Variants in CNTNAP2 observed in about 807,000 individuals in gnomAD.
The protein encoded by CNTNAP2 is contactin associated protein 2, also known as contactin-associated protein-like 2.
Under a neutral mutation model 155.2 loss-of-function variants are expected in CNTNAP2, and 98 were observed. The ratio of observed to expected loss-of-function variants is 0.63; its 90% CI spans 0.54 to 0.75. CNTNAP2 has a LOEUF of 0.75. Ranked by LOEUF, CNTNAP2 falls within the 30% of genes least tolerant of loss-of-function variation. The probability of loss-of-function intolerance (pLI) is 0.00; values close to 1 mark genes in which losing one functional copy is unlikely to be tolerated. For synonymous variants in CNTNAP2, 651 were observed against 631.2 expected, an observed-to-expected ratio of 1.03 and a Z score of -0.47; for missense variants, 1,727 against 1,688.1, an observed-to-expected ratio of 1.02 and a Z score of -0.40.
intron 12 of CNTNAP2, among the ~76,000 whole-genome samples, chr7:147,615,730 C>T (rs895128120): frequency 4.6e-5 from 7 of 151,918 alleles, no homozygotes; most frequent in Admixed American, 6.6e-5. Flanking sequence ...ACTCTCCCTT[C>T]GAGACTGATA....
At chr7:147,618,708 TACACACAC>T (rs112885206) in intron 12 of CNTNAP2, among the ~76,000 whole-genome samples, 2 of 132,044 alleles carry the variant, frequency 1.5e-5, no homozygotes, top group Non-Finnish European at 3.0e-5. Flanking sequence ...ACAGCTATTA[TACACACAC>T]ACACACACAC....
rs184218150 is a variant in CNTNAP2, at chr7:146,537,377, T to G, written c.98-236894T>G. The stretch of plus-strand genomic sequence containing the variant: ...CCTACATTTTAATCTCCTAAACATA[T>G]AATTTCTTTCTTTATTCTGGCAACA... On this transcript the variant is annotated intron_variant, in intron 1 of 23. Transcript: ENST00000361727. Among the ~76,000 whole-genome samples, 102 of 152,290 alleles carry G rather than the reference T, an allele frequency of 6.7e-4. 2 individuals are homozygous for G. Among genetic ancestry groups the G allele is most frequent in the Non-Finnish European group, 8.1e-4 (55 of 68,036 alleles).
intron 8 of CNTNAP2, among the ~76,000 whole-genome samples, chr7:147,276,840 A>AC (rs143297393): frequency 2.6e-5 from 4 of 151,888 alleles, no homozygotes; most frequent in Admixed American, 6.6e-5. Flanking sequence ...CAAAAAAAAA[A>AC]CTGCAAATGA....
chr7:146,693,547 T>TA (rs1800732880), intron 1 of CNTNAP2, among the ~76,000 whole-genome samples: 1 of 152,148 alleles, frequency 6.6e-6, no homozygotes, highest in South Asian at 2.1e-4. Flanking sequence ...AAAAATATTA[T>TA]AAGATATAAG....
At chr7:147,485,169 C>T (rs977570689) in intron 10 of CNTNAP2, among the ~76,000 whole-genome samples, 14 of 152,084 alleles carry the variant, frequency 9.2e-5, no homozygotes, top group Non-Finnish European at 1.8e-4. Context: ...GTTTATTGGC[C>T]CACTATTTCC....
chr7:147,329,833 T>G (rs71530311), intron 9 of CNTNAP2, among the ~76,000 whole-genome samples: 29,317 of 152,096 alleles, frequency 0.19, 3,128 homozygotes, highest in Non-Finnish European at 0.24. Context: ...ACGGTGCACT[T>G]ATGACATAGA....
chr7:146,952,008 A>T (rs1350749678), intron 3 of CNTNAP2, among the ~76,000 whole-genome samples: 1 of 152,122 alleles, frequency 6.6e-6, no homozygotes, highest in Admixed American at 6.6e-5. Context: ...ATCCCTGATG[A>T]ACATCGACAC....
chr7:146,718,409 T>A (rs1801228501), intron 1 of CNTNAP2, among the ~76,000 whole-genome samples: 1 of 152,110 alleles, frequency 6.6e-6, no homozygotes, highest in Non-Finnish European at 1.5e-5. Flanking sequence ...AAGAATTGTG[T>A]CTCTTGGTGG....
At chr7:147,117,922 AT>A (rs1186478172) in intron 5 of CNTNAP2, among the ~76,000 whole-genome samples, 6 of 152,114 alleles carry the variant, frequency 3.9e-5, no homozygotes, top group African/African-American at 1.4e-4. Context: ...ATAAAATATT[AT>A]TTTTTACATT....
At chr7:146,217,209 T>C (rs964826492) in intron 1 of CNTNAP2, among the ~76,000 whole-genome samples, 11 of 152,214 alleles carry the variant, frequency 7.2e-5, no homozygotes, top group Admixed American at 3.3e-4. Context: ...ATGTTAGTTA[T>C]AGAATAAGAA....
Position 147,746,661 on chromosome 7 carries a change from A to T in CNTNAP2, c.2098+107355A>T, listed in dbSNP as rs144922430. On this transcript the variant is annotated intron_variant, in intron 13 of 23. Coordinates refer to ENST00000361727, the MANE Select transcript of CNTNAP2 (RefSeq NM_014141.6). ...AGGAAAGAATAAGGCAGGAGTTCTC[A>T]TTGACACCAATGGGACCAATTGTTT... is the stretch of plus-strand genomic sequence containing the variant. Among the ~76,000 whole-genome samples, 1,224 of 152,166 alleles carry T rather than the reference A, an allele frequency of 8.0e-3. 13 individuals are homozygous for T. Among genetic ancestry groups the T allele is most frequent in the African/African-American group, 0.028 (1,176 of 41,530 alleles).
chr7:147,973,372 A>G (rs1801370812), intron 14 of CNTNAP2, among the ~76,000 whole-genome samples: 1 of 152,004 alleles, frequency 6.6e-6, no homozygotes, highest in Admixed American at 6.5e-5. Context: ...GCATCTTTAT[A>G]CTATTTTCTC....
At chr7:147,524,302 A>G (rs1423166790) in intron 11 of CNTNAP2, among the ~76,000 whole-genome samples, 1 of 152,148 alleles carries the variant, frequency 6.6e-6, no homozygotes, top group African/African-American at 2.4e-5. Flanking sequence ...AGGCAGGACA[A>G]TTGCTTGAAC....
Position 147,942,806 on chromosome 7 carries a change from G to C in CNTNAP2, c.2256-35056G>C, listed in dbSNP as rs1800748743. ...TAATCCCAGCACTTTGGGAGGCCGA[G>C]GTGGGCGGATCACGAGGTCAGGAGA... is the stretch of plus-strand genomic sequence containing the variant. On this transcript the variant is annotated intron_variant, in intron 14 of 23. Transcript: ENST00000361727. 2.0e-5 allele frequency among the ~76,000 whole-genome samples: 3 copies of C among 152,140 alleles called. No individual in the cohort carries two copies. The South Asian group carries it at 6.2e-4, about 32-fold the overall frequency.
chr7:148,106,558 AC>A, intron 15 of CNTNAP2, among the ~76,000 whole-genome samples: 1 of 145,776 alleles, frequency 6.9e-6, no homozygotes, highest in African/African-American at 2.6e-5. Flanking sequence ...ACGAGGTCTC[AC>A]TATGTCGCCC....
intron 1 of CNTNAP2, among the ~76,000 whole-genome samples, chr7:146,739,297 T>C (rs764378515): frequency 1.6e-4 from 24 of 152,132 alleles, no homozygotes; most frequent in Non-Finnish European, 2.2e-4. Flanking sequence ...ATGGATAAAG[T>C]AATTCTTAGA....
chr7:147,458,919 A>G (rs1797967383), intron 10 of CNTNAP2, among the ~76,000 whole-genome samples: 2 of 152,228 alleles, frequency 1.3e-5, no homozygotes, highest in South Asian at 4.1e-4. Flanking sequence ...TGTATTTCAC[A>G]TGCATGAAAT....
intron 12 of CNTNAP2, among the ~76,000 whole-genome samples, chr7:147,636,408 A>G (rs1304576091): frequency 1.3e-5 from 2 of 151,294 alleles, no homozygotes; most frequent in African/African-American, 4.9e-5. Flanking sequence ...AGTAGCTTGG[A>G]TCTATTTAAC....
chr7:147,213,082 A>G (rs1281067061), intron 8 of CNTNAP2, among the ~76,000 whole-genome samples: 2 of 152,144 alleles, frequency 1.3e-5, no homozygotes, highest in Non-Finnish European at 2.9e-5. Flanking sequence ...GAATTTGTTC[A>G]TGCAATAATG....
Sources: gnomAD v4.1 joint callset for allele counts (sites outside exome capture counted in the v4.1 genomes callset) on GRCh38, gnomAD v4.1.1 for gene constraint, MANE v1.5 for transcripts, NCBI Gene and HGNC (gene_info 2026-07-23, HGNC 2026-07-21) for gene names.